CNIH3: variants seen among roughly 807,000 people sequenced by gnomAD.
The protein encoded by CNIH3 is cornichon family AMPA receptor auxiliary protein 3.
Under a neutral mutation model 24.1 loss-of-function variants are expected in CNIH3, and 14 were observed. The ratio of observed to expected loss-of-function variants is 0.58; its 90% confidence interval spans 0.38 to 0.91. The LOEUF (loss-of-function observed/expected upper bound fraction) is 0.91, where lower values mean the gene tolerates loss of function less well. CNIH3 is among the 40% of genes least tolerant of loss of function. The pLI, the probability that CNIH3 is intolerant of heterozygous loss-of-function variation, is 0.00. For synonymous variants in CNIH3, 68 were observed against 73.8 expected, an observed-to-expected ratio of 0.92 and a Z score of 0.40; for missense variants, 178 against 196.8, an observed-to-expected ratio of 0.90 and a Z score of 0.57.
chr1:224,527,946 T>G (rs1678909174), intron 2 of CNIH3, among the ~76,000 whole-genome samples: 1 of 152,216 alleles, frequency 6.6e-6, no homozygotes, highest in Non-Finnish European at 1.5e-5. Flanking sequence ...TATCTGTATA[T>G]GTACACACAC....
chr1:224,616,028 A>G (rs1262740176), upstream of CNIH3: 1 of 152,586 alleles, frequency 6.6e-6, no homozygotes, highest in Non-Finnish European at 1.5e-5. Context: ...CACCTCCTCC[A>G]GACGCACGTG....
intron 3 of CNIH3, among the ~76,000 whole-genome samples, chr1:224,600,525 G>A (rs768686527): frequency 1.2e-4 from 19 of 152,030 alleles, no homozygotes; most frequent in East Asian, 5.8e-4. Flanking sequence ...ATGGGGTCTC[G>A]CTCTGTTGTC....
At chr1:224,577,715 G>C (rs960134339) in intron 4 of CNIH3, among the ~76,000 whole-genome samples, 5 of 151,996 alleles carry the variant, frequency 3.3e-5, no homozygotes, top group African/African-American at 1.2e-4. Context: ...CCCACTACTG[G>C]GTATCTACCC....
chr1:224,536,696 A>C lies in CNIH3; in HGVS notation n.344-240A>C, dbSNP rs184906738. On this transcript the variant is annotated intron_variant and non_coding_transcript_variant, in intron 2 of 2. Transcript: ENST00000470602. ...ACAGATGAAACAAAATGGGATAGAC[A>C]ATAGTGGTCTTGTTAGCTCAGAGGC... Among the ~76,000 whole-genome samples, 8 of 152,340 alleles carry C rather than the reference A, an allele frequency of 5.3e-5. No individual in the cohort carries two copies. The East Asian group carries it at 1.5e-3, about 29-fold the overall frequency.
intron 1 of CNIH3, among the ~76,000 whole-genome samples, chr1:224,473,303 A>G (rs1431921017): frequency 1.4e-5 from 2 of 144,134 alleles, no homozygotes; most frequent in Non-Finnish European, 3.0e-5. Context: ...GAAACAACAA[A>G]ATGACAGGAA....
chr1:224,446,727 GTTTCATTATTTT>G (rs1247240191), intron 1 of CNIH3, among the ~76,000 whole-genome samples: 1 of 152,150 alleles, frequency 6.6e-6, no homozygotes, highest in East Asian at 1.9e-4. Flanking sequence ...TACAGCTGGT[GTTTCATTATTTT>G]TAAAGAATCA....
intron 1 of CNIH3, among the ~76,000 whole-genome samples, chr1:224,645,269 C>A (rs1206286897): frequency 1.3e-5 from 2 of 152,234 alleles, no homozygotes; most frequent in Non-Finnish European, 2.9e-5. Context: ...ATGTTACTTT[C>A]TTGGGTCTTG....
At chr1:224,446,764 C>G (rs1675182113) in intron 1 of CNIH3, among the ~76,000 whole-genome samples, 1 of 152,122 alleles carries the variant, frequency 6.6e-6, no homozygotes, top group South Asian at 2.1e-4. Flanking sequence ...TAAATTCCCC[C>G]TTTGGAAGCA....
At chr1:224,575,251 C>G (rs933209196) in intron 4 of CNIH3, 1 of 1,332,480 alleles carries the variant, frequency 7.5e-7, no homozygotes, top group Non-Finnish European at 1.1e-6. Flanking sequence ...GAATGCATTG[C>G]TGAGAACTTT....
chr1:224,480,515 T>G (rs1676764941), intron 1 of CNIH3, among the ~76,000 whole-genome samples: 1 of 152,254 alleles, frequency 6.6e-6, no homozygotes, highest in Non-Finnish European at 1.5e-5. Context: ...TGAACTTTTA[T>G]GCTCTGCTTC....
intron 1 of CNIH3, among the ~76,000 whole-genome samples, chr1:224,620,759 G>A (rs1683240926): frequency 6.6e-6 from 1 of 152,122 alleles, no homozygotes. Context: ...CAGCACTTTG[G>A]GAGGTTGAGG....
intron 3 of CNIH3, among the ~76,000 whole-genome samples, chr1:224,695,956 G>A (rs930299207): frequency 6.6e-6 from 1 of 152,190 alleles, no homozygotes; most frequent in South Asian, 2.1e-4. Context: ...TCTCATTAAT[G>A]TAACAAGGAA....
At chr1:224,475,791 T>C (rs183325342) in intron 1 of CNIH3, among the ~76,000 whole-genome samples, 1 of 152,102 alleles carries the variant, frequency 6.6e-6, no homozygotes, top group African/African-American at 2.4e-5. Context: ...GCCTCACCAA[T>C]AAAAGAAAAC....
intron 1 of CNIH3, among the ~76,000 whole-genome samples, chr1:224,455,808 G>T (rs1675625449): frequency 1.3e-5 from 2 of 152,222 alleles, no homozygotes; most frequent in African/African-American, 4.8e-5. Context: ...CATGGTAAAT[G>T]AATGGTGGTC....
chr1:224,474,155 A>G (rs1383615835), intron 1 of CNIH3, among the ~76,000 whole-genome samples: 1 of 152,070 alleles, frequency 6.6e-6, no homozygotes, highest in Non-Finnish European at 1.5e-5. Flanking sequence ...ATGTGAGGTC[A>G]GGAGTTCAAG....
intron 3 of CNIH3, among the ~76,000 whole-genome samples, chr1:224,602,639 T>A (rs77075720): frequency 1.3e-5 from 2 of 152,306 alleles, no homozygotes; most frequent in Admixed American, 1.3e-4. Context: ...AATAGAAGTG[T>A]ATTAACATGT....
At chr1:224,548,445 G>A (rs977075548) in intron 3 of CNIH3, among the ~76,000 whole-genome samples, 1 of 151,106 alleles carries the variant, frequency 6.6e-6, no homozygotes, top group African/African-American at 2.4e-5. Flanking sequence ...GATATTATTT[G>A]TAATATATAG....
At chr1:224,585,529 A>AT (rs1315373938) in intron 5 of CNIH3, among the ~76,000 whole-genome samples, 1 of 150,172 alleles carries the variant, frequency 6.7e-6, no homozygotes, top group Non-Finnish European at 1.5e-5. Context: ...CCCAGGCTGG[A>AT]TTGCAGTGAT....
At chr1:224,623,168 C>T (rs115766489) in intron 1 of CNIH3, among the ~76,000 whole-genome samples, 1 of 152,170 alleles carries the variant, frequency 6.6e-6, no homozygotes, top group Non-Finnish European at 1.5e-5. Flanking sequence ...GCTCCCTGTT[C>T]TCTACTCCCG....
Sources: gnomAD v4.1 joint callset for allele counts (sites outside exome capture counted in the v4.1 genomes callset) on GRCh38, gnomAD v4.1.1 for gene constraint, MANE v1.5 for transcripts, NCBI Gene and HGNC (gene_info 2026-07-23, HGNC 2026-07-21) for gene names.